The following KLF15 variants were observed in gnomAD, a reference collection of about 807,000 sequenced individuals.
KLF15 encodes Krueppel-like factor 15.
A neutral mutation model predicts 24.6 loss-of-function variants in KLF15; 4 were observed. The observed-to-expected ratio is 0.16, with a 90% confidence interval of 0.08 to 0.37. The LOEUF is 0.37. Ranked by LOEUF, KLF15 falls within the 10% of genes least tolerant of loss-of-function variation. KLF15 has a pLI of 1.00. For missense variants in KLF15, 496 were observed against 560.6 expected (o/e 0.88, Z 1.16); for synonymous variants, 246 against 236.3 (o/e 1.04, Z -0.37).
rs576384165 is a variant in KLF15 at position 126,343,152 on chromosome 3, G to GCCCCCCCCCCCCCCCCCCCCCCC, written c.*552_*574dup. On this transcript the variant is annotated 3_prime_UTR_variant, in exon 3 of 3. Transcript: ENST00000296233. ...CATGAGGGCCCAGCGGCCCGGTCCT[G>GCCCCCCCCCCCCCCCCCCCCCCC]CCCCCCCCCCCCCCCCCCCCCCCCC... 1.7e-4 allele frequency: 2 copies of GCCCCCCCCCCCCCCCCCCCCCCC among 11,908 alleles called. 1 individual carries two copies. The highest frequency in any genetic ancestry group is 7.0e-4 in the African/African-American group (2 of 2,844). 0.7% of individuals were successfully genotyped at this position (11,908 alleles called of 1,614,324 possible).
At chr3:126,312,718 G>T in the KLF15 span, among the ~76,000 whole-genome samples, 2 of 152,150 alleles carry the variant, frequency 1.3e-5, no homozygotes, top group South Asian at 4.1e-4. Flanking sequence ...AACAAAGTAC[G>T]ACAGCCTGAG....
downstream of KLF15, among the ~76,000 whole-genome samples, chr3:126,340,633 C>A (rs1044652480): frequency 4.6e-5 from 7 of 152,214 alleles, no homozygotes; most frequent in Non-Finnish European, 8.8e-5. Flanking sequence ...TAGGGGCAGG[C>A]GGGTGGGTGG....
chr3:126,312,960 A>G, the KLF15 span, among the ~76,000 whole-genome samples: 1 of 152,188 alleles, frequency 6.6e-6, no homozygotes, highest in Non-Finnish European at 1.5e-5. Context: ...GAAGATCCTC[A>G]TCACATAGAA....
chr3:126,354,304 G>A (rs2107559280), intron 1 of KLF15: 1 of 152,372 alleles, frequency 6.6e-6, no homozygotes, highest in East Asian at 1.9e-4. Flanking sequence ...GGAATGCTCT[G>A]CACCAAAGTC....
rs1266207246 is a variant in KLF15, at chr3:126,356,429, A to T, written c.-26+808T>A. 6.6e-6 allele frequency among the ~76,000 whole-genome samples: 1 copy of T among 152,144 alleles called. No homozygotes were observed. Among genetic ancestry groups the T allele is most frequent in the East Asian group, 1.9e-4 (1 of 5,176 alleles). On this transcript the variant is annotated intron_variant, in intron 1 of 2. Transcript: ENST00000296233. The surrounding 1 kb of genome is among the most constrained non-coding windows in gnomAD (Gnocchi z 4.4). ...TGAGTAACACCAAGGCGGGGAGGGAAGAGTGAACCGGACCACCATATGGGA... is the reference window on the plus strand; with the variant it reads ...TGAGTAACACCAAGGCGGGGAGGGATGAGTGAACCGGACCACCATATGGGA...
At chr3:126,294,476 A>T in the KLF15 span, among the ~76,000 whole-genome samples, 9 of 152,182 alleles carry the variant, frequency 5.9e-5, no homozygotes, top group Admixed American at 1.3e-4. Flanking sequence ...ATTGCGATTC[A>T]TCTGTAAGAA....
the KLF15 span, among the ~76,000 whole-genome samples, chr3:126,289,384 A>T: frequency 6.6e-6 from 1 of 152,258 alleles, no homozygotes; most frequent in Non-Finnish European, 1.5e-5. Flanking sequence ...GACAAATTCC[A>T]GGCAGGGAGA....
At chr3:126,303,758 T>G in the KLF15 span, among the ~76,000 whole-genome samples, 113 of 152,168 alleles carry the variant, frequency 7.4e-4, no homozygotes, top group African/African-American at 2.5e-3. Context: ...TTGGGAATCC[T>G]AATTAAACAT....
the KLF15 span, among the ~76,000 whole-genome samples, chr3:126,316,389 G>A: frequency 0.037 from 4,198 of 113,230 alleles, 206 homozygotes; most frequent in African/African-American, 0.14. Flanking sequence ...TCCACCGGCT[G>A]GAGCAGCGCT....
the KLF15 span, among the ~76,000 whole-genome samples, chr3:126,304,125 C>T: frequency 0.55 from 83,505 of 151,990 alleles, 23,290 homozygotes; most frequent in African/African-American, 0.62. Context: ...AGATATTTTA[C>T]TGGGTACCAG....
At chr3:126,354,044 C>G (rs2082611246) in intron 1 of KLF15, 1 of 152,350 alleles carries the variant, frequency 6.6e-6, no homozygotes, top group Non-Finnish European at 1.5e-5. Context: ...TGCCTGTCTC[C>G]CCCTGAGACA....
the KLF15 span, among the ~76,000 whole-genome samples, chr3:126,314,227 A>G: frequency 6.6e-6 from 1 of 152,052 alleles, no homozygotes; most frequent in Admixed American, 6.6e-5. Flanking sequence ...ATAGCTCACA[A>G]AATGTCAGTC....
chr3:126,352,805 A>G lies in KLF15; in HGVS notation c.118T>C (p.Ser40Pro), dbSNP rs2082596658. ...CTGGAGGCATCGCTGTCATCTTCAG[A>G]GACGGGTGAGGGCAGCATGTGATAT... Reference protein sequence around the residue: ...RAYHMLPSPVSEDDSDASSPC... With the variant: ...RAYHMLPSPVPEDDSDASSPC... Residue 40 changes from serine (S) to proline (P), a missense_variant, in exon 2 of 3, where the codon TCT becomes CCT. Physicochemically the swap from Ser to Pro is moderately conservative, Grantham distance 74. This residue lies in a region of KLF15 where 399 missense variants were observed against 423.1 expected (regional missense o/e 0.94). Transcript: ENST00000296233. 1.3e-6 allele frequency: 2 copies of G among 1,596,466 alleles called. No homozygotes were observed. The highest frequency in any genetic ancestry group is 1.7e-5 in the Admixed American group (1 of 57,698).
intron 2 of KLF15, among the ~76,000 whole-genome samples, chr3:126,349,332 G>A (rs923540438): frequency 6.6e-6 from 1 of 152,174 alleles, no homozygotes; most frequent in African/African-American, 2.4e-5. Flanking sequence ...CAGGAAGCCC[G>A]GGGCATGGCT....
chr3:126,354,536 C>G (rs776011635), intron 1 of KLF15, among the ~76,000 whole-genome samples: 1 of 152,210 alleles, frequency 6.6e-6, no homozygotes, highest in Non-Finnish European at 1.5e-5. Flanking sequence ...ACCTTTAGCC[C>G]CAGTTCCCAA....
chr3:126,312,365 G>T, the KLF15 span, among the ~76,000 whole-genome samples: 1 of 152,164 alleles, frequency 6.6e-6, no homozygotes, highest in African/African-American at 2.4e-5. Context: ...TGTAGACATG[G>T]GGCGTCACTA....
the KLF15 span, among the ~76,000 whole-genome samples, chr3:126,315,376 G>T: frequency 3.3e-5 from 5 of 152,158 alleles, no homozygotes; most frequent in African/African-American, 1.2e-4. Context: ...CAACAGTAAC[G>T]CACTGTGTCT....
the KLF15 span, among the ~76,000 whole-genome samples, chr3:126,319,017 T>A: frequency 6.6e-6 from 1 of 152,258 alleles, no homozygotes; most frequent in Non-Finnish European, 1.5e-5. Context: ...TCCATAGTTT[T>A]GCTTTTTCCA....
the KLF15 span, among the ~76,000 whole-genome samples, chr3:126,333,727 A>G: frequency 7.2e-6 from 1 of 138,916 alleles, no homozygotes; most frequent in South Asian, 2.6e-4. Context: ...ATGGAGGAAG[A>G]TCTACCAAGC....
Sources: allele counts gnomAD v4.1 joint callset (sites outside exome capture counted in the v4.1 genomes callset), GRCh38; gene constraint gnomAD v4.1.1; regional missense constraint gnomAD v4.1.1; non-coding constraint Gnocchi (gnomAD v3.1); transcripts MANE v1.5; gene names NCBI Gene and HGNC (gene_info 2026-07-23, HGNC 2026-07-21).